The following MAOB variants were observed in gnomAD, a reference collection of about 807,000 sequenced individuals.
MAOB encodes amine oxidase [flavin-containing] B.
MAOB carries 15 observed loss-of-function variants against 41.9 expected under a neutral mutation model. That is an observed-to-expected ratio of 0.36 (90% CI 0.24 to 0.55). The LOEUF (loss-of-function observed/expected upper bound fraction) is 0.55. Among genes scored for constraint, MAOB ranks in the 20% least tolerant of loss-of-function variants. The pLI is 0.86. For synonymous variants in MAOB, 167 were observed against 144.2 expected, an observed-to-expected ratio of 1.16 and a Z score of -1.13; for missense variants, 345 against 398.7, an observed-to-expected ratio of 0.87 and a Z score of 1.15.
intron 1 of MAOB, among the ~76,000 whole-genome samples, chrX:43,867,732 A>C (rs1208029512): frequency 8.9e-6 from 1 of 112,422 alleles, no homozygotes; most frequent in Non-Finnish European, 1.9e-5. Context: ...TACCAGGCAG[A>C]TATTGCTGTT....
intron 3 of MAOB, among the ~76,000 whole-genome samples, chrX:43,811,152 C>T (rs985489233): frequency 1.8e-5 from 2 of 111,889 alleles, no homozygotes; most frequent in African/African-American, 6.5e-5. Context: ...CTCTCAGAAA[C>T]AGGCTGGCTG....
chrX:43,876,286 A>G (rs2035439060), intron 1 of MAOB, among the ~76,000 whole-genome samples: 1 of 112,025 alleles, frequency 8.9e-6, no homozygotes, highest in Admixed American at 9.5e-5. Flanking sequence ...AATAACAAAA[A>G]TTCCCTCAAA....
chrX:43,811,212 T>C (rs1309551820), intron 3 of MAOB, among the ~76,000 whole-genome samples: 1 of 111,197 alleles, frequency 9.0e-6, no homozygotes, highest in African/African-American at 3.3e-5. Context: ...CATGTCCTTC[T>C]CCCCTTCTTA....
chrX:43,788,014 T>A (rs1027831761), intron 8 of MAOB, among the ~76,000 whole-genome samples: 4 of 111,397 alleles, frequency 3.6e-5, no homozygotes, highest in Non-Finnish European at 7.5e-5. Context: ...GGGTAATATA[T>A]GAAGGAAAGA....
At chrX:43,820,796 A>G (rs1336452947) in intron 3 of MAOB, among the ~76,000 whole-genome samples, 1 of 112,375 alleles carries the variant, frequency 8.9e-6, no homozygotes, top group Non-Finnish European at 1.9e-5. Context: ...ACACATCTCA[A>G]CATAGTGACT....
At chrX:43,804,248 A>G (rs1230960447) in intron 3 of MAOB, among the ~76,000 whole-genome samples, 2 of 111,488 alleles carry the variant, frequency 1.8e-5, no homozygotes, top group Admixed American at 9.6e-5. Context: ...GAGTCATTCA[A>G]TAAAGATGCA....
At chrX:43,870,373 C>T (rs763389355) in intron 1 of MAOB, among the ~76,000 whole-genome samples, 5 of 111,152 alleles carry the variant, frequency 4.5e-5, no homozygotes, top group Admixed American at 9.5e-5. Context: ...AGTGTTTGGG[C>T]CAGCATAGTG....
Position 43,781,436 on chromosome X carries a change from A to C in MAOB, c.1025+12T>G. On this transcript the variant is annotated intron_variant, in intron 9 of 14. Coordinates refer to ENST00000378069, the MANE Select transcript of MAOB (RefSeq NM_000898.5). ...ACTGAATAGCAGCCACAACACCATA[A>C]TTGTGCCTTACCCCATTATGGCAGC... 9.0e-7 allele frequency: 1 copy of C among 1,106,700 alleles called. No homozygotes were observed. The highest frequency in any genetic ancestry group is 1.2e-6 in the Non-Finnish European group (1 of 818,889). 91.2% of individuals were successfully genotyped at this position (1,106,700 alleles called of 1,213,427 possible). A position where few individuals can be genotyped will look rare whatever the true frequency, so the allele number is the denominator to read the frequency against.
intron 8 of MAOB, among the ~76,000 whole-genome samples, chrX:43,783,920 T>C (rs1453636927): frequency 8.9e-6 from 1 of 112,304 alleles, no homozygotes; most frequent in East Asian, 2.8e-4. Flanking sequence ...TATGTAATAT[T>C]CTAAATCCCT....
Position 43,858,482 on chromosome X carries a change from C to T in MAOB, c.47-14718G>A, listed in dbSNP as rs1008831589. On this transcript the variant is annotated intron_variant, in intron 1 of 14. Coordinates refer to ENST00000378069, the MANE Select transcript of MAOB (RefSeq NM_000898.5). ...TCATTGTGGTTCTTCTCACACTCTGCGCTGTTTAGTGTTTCCATGCCTTCG... is the reference window on the plus strand; with the variant it reads ...TCATTGTGGTTCTTCTCACACTCTGTGCTGTTTAGTGTTTCCATGCCTTCG... 7.2e-5 allele frequency among the ~76,000 whole-genome samples: 8 copies of T among 111,062 alleles called. No homozygotes were observed. In the East Asian group the frequency reaches 8.5e-4, roughly 12 times the overall value.
At chrX:43,793,149 G>C (rs1255327779) in intron 8 of MAOB, among the ~76,000 whole-genome samples, 1 of 111,461 alleles carries the variant, frequency 9.0e-6, no homozygotes, top group Non-Finnish European at 1.9e-5. Flanking sequence ...TGGATATAAA[G>C]ATGAAAATAA....
chrX:43,857,153 AG>A (rs2035301747), intron 1 of MAOB, among the ~76,000 whole-genome samples: 13 of 60,848 alleles, frequency 2.1e-4, no homozygotes, highest in South Asian at 1.1e-3. Context: ...AGAGAGAGAG[AG>A]AGAGAGAGAG....
Position 43,843,664 on chromosome X carries a change from C to A in MAOB, c.141+6G>T. The A allele has an allele frequency of 8.3e-7, 1 of 1,205,010 alleles. No individual in the cohort carries two copies. Among genetic ancestry groups the A allele is most frequent in the Non-Finnish European group, 1.1e-6 (1 of 891,449 alleles). On this transcript the variant is annotated splice_donor_region_variant and intron_variant, in intron 2 of 14. Transcript: ENST00000378069. Reference sequence around the variant, plus strand: ...ACATTTGTCCTCCGGATTCTTAATGCCTTACCCTAAGAGTGTAAGTCCTGC... The same window carrying A: ...ACATTTGTCCTCCGGATTCTTAATGACTTACCCTAAGAGTGTAAGTCCTGC...
intron 8 of MAOB, among the ~76,000 whole-genome samples, chrX:43,787,605 T>G (rs1445980690): frequency 2.7e-5 from 3 of 112,328 alleles, no homozygotes; most frequent in Non-Finnish European, 3.8e-5. Context: ...GTTACAACGA[T>G]ATAATTTTTC....
At chrX:43,770,700 C>T (rs185005142) in intron 12 of MAOB, among the ~76,000 whole-genome samples, 63 of 111,815 alleles carry the variant, frequency 5.6e-4, no homozygotes, top group Non-Finnish European at 1.0e-3. Flanking sequence ...ATGCCAAGAG[C>T]CACACTCCTA....
chrX:43,793,884 G>A (rs185336497), intron 7 of MAOB, among the ~76,000 whole-genome samples: 3 of 110,809 alleles, frequency 2.7e-5, no homozygotes, highest in Non-Finnish European at 5.7e-5. Context: ...TGCTATTTTT[G>A]TTTTCTTTTT....
chrX:43,793,720 T>C, intron 7 of MAOB, 142 bp from the exon 8 acceptor site: 1 of 471,074 alleles, frequency 2.1e-6, no homozygotes, highest in Non-Finnish European at 3.5e-6. Flanking sequence ...AAAGTAGCCC[T>C]TATTGTTCCT....
intron 1 of MAOB, among the ~76,000 whole-genome samples, chrX:43,863,731 T>C (rs2035348126): frequency 8.9e-6 from 1 of 111,775 alleles, no homozygotes; most frequent in Admixed American, 9.5e-5. Flanking sequence ...AGTCACATAA[T>C]TGCAAACTTC....
intron 3 of MAOB, among the ~76,000 whole-genome samples, chrX:43,831,937 A>T (rs2035023837): frequency 8.9e-6 from 1 of 111,985 alleles, no homozygotes; most frequent in African/African-American, 3.2e-5. Context: ...AATTTTTACC[A>T]TATAAACATT....
Sources: allele counts gnomAD v4.1 joint callset (sites outside exome capture counted in the v4.1 genomes callset), GRCh38; gene constraint gnomAD v4.1.1; transcripts MANE v1.5; gene names NCBI Gene and HGNC (gene_info 2026-07-23, HGNC 2026-07-21).